RORA: variants seen among roughly 807,000 people sequenced by gnomAD.
RORA encodes nuclear receptor ROR-alpha.
Under a neutral mutation model 69.5 loss-of-function variants are expected in RORA, and 7 were observed. That is an observed-to-expected ratio of 0.10 (90% CI 0.06 to 0.19). The LOEUF (loss-of-function observed/expected upper bound fraction) is 0.19, where lower values mean the gene tolerates loss of function less well. RORA is among the 10% of genes least tolerant of loss of function. The pLI, the probability that RORA is intolerant of heterozygous loss-of-function variation, is 1.00. For synonymous variants in RORA, 261 were observed against 240.8 expected, an observed-to-expected ratio of 1.08 and a Z score of -0.78; for missense variants, 457 against 663.0, an observed-to-expected ratio of 0.69 and a Z score of 3.41.
At chr15:60,645,405 G>A (rs536285142) in intron 2 of RORA, among the ~76,000 whole-genome samples, 1 of 150,882 alleles carries the variant, frequency 6.6e-6, no homozygotes, top group African/African-American at 2.4e-5. Flanking sequence ...CTAACAACAA[G>A]GTCTTGACAG....
At chr15:60,987,209 A>G (rs1249168230) in intron 1 of RORA, among the ~76,000 whole-genome samples, 3 of 152,224 alleles carry the variant, frequency 2.0e-5, no homozygotes, top group Non-Finnish European at 4.4e-5. Context: ...TTCCCATGCC[A>G]CATGGATGGT....
At chr15:61,092,271 G>GT (rs1167912290) in intron 1 of RORA, among the ~76,000 whole-genome samples, 3 of 152,178 alleles carry the variant, frequency 2.0e-5, no homozygotes, top group Admixed American at 6.5e-5. Flanking sequence ...AAGGCTGGCA[G>GT]TATGTTCAAA....
At chr15:61,031,688 A>C (rs1896177728) in intron 1 of RORA, among the ~76,000 whole-genome samples, 1 of 152,202 alleles carries the variant, frequency 6.6e-6, no homozygotes, top group Non-Finnish European at 1.5e-5. Flanking sequence ...CACACCAAAA[A>C]GAGAGGAACT....
At chr15:60,898,121 G>C (rs1891282399) in intron 1 of RORA, among the ~76,000 whole-genome samples, 1 of 152,188 alleles carries the variant, frequency 6.6e-6, no homozygotes, top group African/African-American at 2.4e-5. Flanking sequence ...GATGAGATGA[G>C]AGCACAATGA....
At chr15:60,826,740 GCTCT>G (rs72326847) in intron 1 of RORA, among the ~76,000 whole-genome samples, 72 of 120,854 alleles carry the variant, frequency 6.0e-4, no homozygotes, top group African/African-American at 2.3e-3. Context: ...TATTCTACCT[GCTCT>G]CTCTCTCTCT....
At chr15:60,920,264 C>T (rs1260757551) in intron 1 of RORA, among the ~76,000 whole-genome samples, 1 of 152,178 alleles carries the variant, frequency 6.6e-6, no homozygotes, top group East Asian at 1.9e-4. Context: ...TATCTTCCAC[C>T]TCTATCATCT....
intron 1 of RORA, among the ~76,000 whole-genome samples, chr15:61,145,960 T>A (rs1197474340): frequency 6.6e-6 from 1 of 152,196 alleles, no homozygotes; most frequent in African/African-American, 2.4e-5. Flanking sequence ...GAAGGATGCT[T>A]CTCTCAAACA....
In RORA at chr15:60,992,283, C is replaced by A. The variant is rs149303436; in HGVS notation, c.166+236770G>T. 4.3e-3 allele frequency among the ~76,000 whole-genome samples: 647 copies of A among 152,230 alleles called. 8 individuals are homozygous for A. The highest frequency in any genetic ancestry group is 0.015 in the African/African-American group (619 of 41,536). On this transcript the variant is annotated intron_variant, in intron 1 of 10. Transcript: ENST00000335670. ...TCAACTAGTTGCCAGGATTTAGGCC[C>A]CATTCATTTCTGGTTAAGCACGGAG... is the stretch of plus-strand genomic sequence containing the variant.
chr15:61,019,599 G>T (rs1238571611), intron 1 of RORA, among the ~76,000 whole-genome samples: 1 of 152,082 alleles, frequency 6.6e-6, no homozygotes, highest in Non-Finnish European at 1.5e-5. Flanking sequence ...GGCTGGAAAA[G>T]TTAGTGAAGG....
chr15:61,176,281 G>C (rs1033214955), intron 1 of RORA: 1 of 152,132 alleles, frequency 6.6e-6, no homozygotes, highest in Non-Finnish European at 1.5e-5. Context: ...CCGCCCTACT[G>C]TCATTTAAGT....
intron 1 of RORA, among the ~76,000 whole-genome samples, chr15:60,823,867 T>C (rs1378031324): frequency 6.6e-6 from 1 of 152,218 alleles, no homozygotes; most frequent in African/African-American, 2.4e-5. Flanking sequence ...ATCCTACTGC[T>C]TCTTTAGGTC....
chr15:61,096,397 A>G (rs1015980436), intron 1 of RORA, among the ~76,000 whole-genome samples: 3 of 152,218 alleles, frequency 2.0e-5, no homozygotes, highest in Non-Finnish European at 4.4e-5. Flanking sequence ...GCGACAATTC[A>G]CAGTCCAAAA....
At chr15:61,065,194 A>G (rs2078239874) in intron 1 of RORA, among the ~76,000 whole-genome samples, 1 of 152,206 alleles carries the variant, frequency 6.6e-6, no homozygotes, top group Non-Finnish European at 1.5e-5. Flanking sequence ...CATGCCCACA[A>G]AAATCTTCAC....
intron 2 of RORA, among the ~76,000 whole-genome samples, chr15:60,672,567 C>G (rs1027046682): frequency 2.6e-5 from 4 of 152,194 alleles, no homozygotes; most frequent in African/African-American, 9.6e-5. Flanking sequence ...CTGGAGATAA[C>G]GGTGTGGCTC....
intron 1 of RORA, among the ~76,000 whole-genome samples, chr15:60,951,190 G>A (rs892922017): frequency 5.9e-5 from 9 of 152,038 alleles, no homozygotes; most frequent in African/African-American, 1.9e-4. Context: ...TGAATGACTA[G>A]TGGATACATA....
At position 61,061,396 on chromosome 15, in the gene RORA, A is replaced by AATACATACATAC. The variant is rs1555406930; in HGVS notation, c.166+167656_166+167657insGTATGTATGTAT. ...AAATAAATAAATAAATAAATAAATA[A>AATACATACATAC]ATACAAGGGCATCGCAGGAAGTCCT... On this transcript the variant is annotated intron_variant, in intron 1 of 10. Transcript: ENST00000335670. The surrounding 1 kb of genome is among the most constrained non-coding windows in gnomAD (Gnocchi z 4.4). 3.7e-3 allele frequency among the ~76,000 whole-genome samples: 551 copies of AATACATACATAC among 150,032 alleles called. 4 individuals are homozygous for AATACATACATAC. Among genetic ancestry groups the AATACATACATAC allele is most frequent in the African/African-American group, 0.012 (474 of 40,594 alleles).
At chr15:60,983,657 A>G (rs1894112638) in intron 1 of RORA, among the ~76,000 whole-genome samples, 1 of 152,236 alleles carries the variant, frequency 6.6e-6, no homozygotes, top group Admixed American at 6.5e-5. Context: ...GTCTTTAGAT[A>G]AGAACTCTTT....
chr15:60,958,524 T>C (rs1225119042), intron 1 of RORA, among the ~76,000 whole-genome samples: 1 of 152,206 alleles, frequency 6.6e-6, no homozygotes, highest in African/African-American at 2.4e-5. Flanking sequence ...GCTCATTCGA[T>C]TATACCCAAT....
chr15:60,888,250 C>T (rs900736199), intron 1 of RORA, among the ~76,000 whole-genome samples: 4 of 152,244 alleles, frequency 2.6e-5, no homozygotes, highest in Non-Finnish European at 5.9e-5. Flanking sequence ...AGGGTCCCAG[C>T]TGGGCGGTCC....
Sources: allele counts gnomAD v4.1 joint callset (sites outside exome capture counted in the v4.1 genomes callset), GRCh38; gene constraint gnomAD v4.1.1; non-coding constraint Gnocchi (gnomAD v3.1); transcripts MANE v1.5; gene names NCBI Gene and HGNC (gene_info 2026-07-23, HGNC 2026-07-21).